SH3KBP1: variants seen among roughly 807,000 people sequenced by gnomAD.
SH3KBP1 encodes SH3 domain containing kinase binding protein 1.
A neutral mutation model predicts 50.1 loss-of-function variants in SH3KBP1; 8 were observed. The ratio of observed to expected loss-of-function variants is 0.16; its 90% CI spans 0.09 to 0.29. The LOEUF is 0.29. Ranked by LOEUF, SH3KBP1 falls within the 10% of genes least tolerant of loss-of-function variation. The probability of loss-of-function intolerance (pLI) is 1.00; values close to 1 mark genes in which losing one functional copy is unlikely to be tolerated. For missense variants in SH3KBP1, 377 were observed against 535.2 expected (o/e 0.70, Z 2.92); for synonymous variants, 227 against 218.6 (o/e 1.04, Z -0.34).
Position 19,695,766 on chromosome X carries a change from A to G in SH3KBP1, c.391-25T>C, listed in dbSNP as rs1356227109. 2.5e-6 allele frequency: 3 copies of G among 1,204,748 alleles called. 1 individual carries two copies. In the South Asian group the frequency reaches 5.3e-5, roughly 21 times the overall value. On this transcript the variant is annotated intron_variant, in intron 4 of 17. Coordinates refer to ENST00000397821, the MANE Select transcript of SH3KBP1 (RefSeq NM_031892.3). Reference sequence around the variant, plus strand: ...CCTGCAGAGATACAAACAAAAGAGCAGAGATACATGGGTCAGGTTAGACAT... The same window carrying G: ...CCTGCAGAGATACAAACAAAAGAGCGGAGATACATGGGTCAGGTTAGACAT...
chrX:19,538,807 G>A (rs1450054743), intron 16 of SH3KBP1, among the ~76,000 whole-genome samples: 2 of 110,811 alleles, frequency 1.8e-5, no homozygotes, highest in East Asian at 2.8e-4. Context: ...GGCTGGTCCC[G>A]AACCCCTCAC....
At chrX:19,729,067 A>C (rs980687174) in intron 3 of SH3KBP1, among the ~76,000 whole-genome samples, 8 of 112,593 alleles carry the variant, frequency 7.1e-5, no homozygotes, top group African/African-American at 2.6e-4. Context: ...ATAAAGGCAC[A>C]GAAATGCTTT....
intron 2 of SH3KBP1, among the ~76,000 whole-genome samples, chrX:19,824,789 A>T (rs1247606059): frequency 2.7e-5 from 3 of 111,693 alleles, no homozygotes; most frequent in Non-Finnish European, 5.6e-5. Context: ...TCCCTGAGTC[A>T]CAAGACCGCC....
intron 2 of SH3KBP1, chrX:19,799,770 C>G (rs970846148): frequency 8.5e-7 from 1 of 1,176,558 alleles, no homozygotes; most frequent in Non-Finnish European, 1.1e-6. Context: ...CTGCAAGTCT[C>G]TCTGATTCAC....
chrX:19,644,553 T>C (rs985850969), intron 7 of SH3KBP1, among the ~76,000 whole-genome samples: 7 of 112,002 alleles, frequency 6.2e-5, no homozygotes, highest in African/African-American at 2.3e-4. Flanking sequence ...CTTTCCAATA[T>C]GGTTGCCACT....
chrX:19,606,263 C>T (rs1226025575), intron 9 of SH3KBP1, among the ~76,000 whole-genome samples: 2 of 112,066 alleles, frequency 1.8e-5, no homozygotes, highest in East Asian at 5.6e-4. Flanking sequence ...TTCAGTGACT[C>T]GGGTTTGGCT....
At chrX:19,678,101 C>G (rs917728559) in intron 6 of SH3KBP1, among the ~76,000 whole-genome samples, 1 of 111,744 alleles carries the variant, frequency 8.9e-6, no homozygotes, top group African/African-American at 3.3e-5. Flanking sequence ...TGGGAATCAG[C>G]TGGCAGGCCC....
intron 7 of SH3KBP1, among the ~76,000 whole-genome samples, chrX:19,632,293 T>C (rs7062445): frequency 0.19 from 21,233 of 111,336 alleles, 1,545 homozygotes; most frequent in African/African-American, 0.2. Context: ...TTCAGGTGCA[T>C]GCATAAACAT....
At chrX:19,760,085 G>A (rs756251340) in intron 2 of SH3KBP1, among the ~76,000 whole-genome samples, 4 of 39,943 alleles carry the variant, frequency 1.0e-4, no homozygotes, top group Admixed American at 2.7e-4. Flanking sequence ...TCTCTCTCTC[G>A]ACACACACAC....
At chrX:19,850,206 A>C (rs888969231) in intron 1 of SH3KBP1, among the ~76,000 whole-genome samples, 1 of 111,144 alleles carries the variant, frequency 9.0e-6, no homozygotes, top group Non-Finnish European at 1.9e-5. Flanking sequence ...TCTTTTAGAG[A>C]CAGAGTCTTG....
At chrX:19,714,727 CAT>C (rs1264188440) in intron 3 of SH3KBP1, among the ~76,000 whole-genome samples, 3 of 111,926 alleles carry the variant, frequency 2.7e-5, no homozygotes, top group Non-Finnish European at 3.8e-5. Context: ...AGAGTAAAGA[CAT>C]ATGACAACTA....
intron 2 of SH3KBP1, among the ~76,000 whole-genome samples, chrX:19,787,769 T>C (rs926782914): frequency 7.2e-5 from 8 of 111,545 alleles, no homozygotes; most frequent in African/African-American, 2.6e-4. Context: ...TGCAATCTAT[T>C]TCACTCATTC....
At chrX:19,689,042 A>G (rs1603013905) in intron 5 of SH3KBP1, among the ~76,000 whole-genome samples, 1 of 112,082 alleles carries the variant, frequency 8.9e-6, no homozygotes, top group East Asian at 2.8e-4. Flanking sequence ...GGTATTTCCA[A>G]TTTCCGTGTC....
Position 19,549,932 on chromosome X carries a change from T to C in SH3KBP1, c.1494+42A>G, listed in dbSNP as rs367558320. 1.6e-4 allele frequency: 158 copies of C among 975,524 alleles called. 1 individual carries two copies. In the South Asian group the frequency reaches 2.9e-3, roughly 18 times the overall value. The allele number at this position is 975,524 out of a possible 1,213,427, so 80.4% of individuals were successfully genotyped here. ...TTTCTAATCTGTCCTGCTTTTCCGC[T>C]GTAGAGAAGTAAGGGAACATACAGT... On this transcript the variant is annotated intron_variant, in intron 14 of 17. Transcript: ENST00000397821.
intron 2 of SH3KBP1, among the ~76,000 whole-genome samples, chrX:19,774,654 A>AGAAAGAAAG (rs2065906589): frequency 1.3e-5 from 1 of 77,279 alleles, no homozygotes; most frequent in Admixed American, 1.6e-4. Context: ...GTCTCAAAAA[A>AGAAAGAAAG]AAAGAAAGAA....
intron 4 of SH3KBP1, among the ~76,000 whole-genome samples, chrX:19,702,016 G>A (rs2063546593): frequency 8.9e-6 from 1 of 112,129 alleles, no homozygotes; most frequent in Non-Finnish European, 1.9e-5. Context: ...TACCATCTCT[G>A]CACATTAGGA....
At chrX:19,602,831 A>T (rs2067130278) in intron 9 of SH3KBP1, among the ~76,000 whole-genome samples, 1 of 112,016 alleles carries the variant, frequency 8.9e-6, no homozygotes, top group Non-Finnish European at 1.9e-5. Context: ...CAGAAGATGG[A>T]GGCTAAGTAA....
At chrX:19,719,294 C>T (rs1354697017) in intron 3 of SH3KBP1, among the ~76,000 whole-genome samples, 1 of 111,185 alleles carries the variant, frequency 9.0e-6, no homozygotes, top group Non-Finnish European at 1.9e-5. Flanking sequence ...ATGTGGACCC[C>T]AGGTGCCATA....
At chrX:19,718,980 G>A (rs1456245810) in intron 3 of SH3KBP1, among the ~76,000 whole-genome samples, 1 of 111,659 alleles carries the variant, frequency 9.0e-6, no homozygotes, top group Non-Finnish European at 1.9e-5. Context: ...GGGCCCTGTG[G>A]TGTCCATCTT....
Sources: allele counts gnomAD v4.1 joint callset (sites outside exome capture counted in the v4.1 genomes callset), GRCh38; gene constraint gnomAD v4.1.1; transcripts MANE v1.5; gene names NCBI Gene and HGNC (gene_info 2026-07-23, HGNC 2026-07-21).